Variants in PRDM16 observed in about 807,000 individuals in gnomAD.
PRDM16 encodes histone-lysine N-methyltransferase PRDM16.
In PRDM16, 23 loss-of-function variants were observed where a neutral mutation model predicts 110.6. The ratio of observed to expected loss-of-function variants is 0.21; its 90% confidence interval spans 0.15 to 0.29. The LOEUF is 0.29. Among genes scored for constraint, PRDM16 ranks in the 10% least tolerant of loss-of-function variants. The pLI is 1.00. For synonymous variants in PRDM16, 799 were observed against 781.8 expected (o/e 1.02, Z -0.37); for missense variants, 1,615 against 1,794.3 (o/e 0.90, Z 1.81).
chr1:3,244,823 C>G lies in PRDM16; in HGVS notation c.438+686C>G, dbSNP rs1184755569. 2.6e-5 allele frequency among the ~76,000 whole-genome samples: 4 copies of G among 152,118 alleles called. No individual in the cohort carries two copies. The highest frequency in any genetic ancestry group is 5.9e-5 in the Non-Finnish European group (4 of 68,020). On this transcript the variant is annotated intron_variant, in intron 3 of 16. Coordinates refer to ENST00000270722, the MANE Select transcript of PRDM16 (RefSeq NM_022114.4). This position sits in a 1 kb window ranked among gnomAD's most constrained non-coding sequence, Gnocchi z 4.1. Reference sequence around the variant, plus strand: ...GGAGGAATGGCCTGGAAAGCAGCTCCGAAACCTAGAACCTGTTCAGCAGCC... The same window carrying G: ...GGAGGAATGGCCTGGAAAGCAGCTCGGAAACCTAGAACCTGTTCAGCAGCC...
At chr1:3,199,934 C>G (rs1015468464) in intron 2 of PRDM16, among the ~76,000 whole-genome samples, 1 of 152,230 alleles carries the variant, frequency 6.6e-6, no homozygotes, top group Non-Finnish European at 1.5e-5. Context: ...ACAGGGATGT[C>G]CTTGTGTTCC....
chr1:3,253,671 G>A (rs1401496139), intron 3 of PRDM16, among the ~76,000 whole-genome samples: 1 of 152,058 alleles, frequency 6.6e-6, no homozygotes, highest in African/African-American at 2.4e-5. Flanking sequence ...ATAAACATAC[G>A]TGTGCATGTG....
At chr1:3,262,110 T>C (rs980414776) in intron 3 of PRDM16, among the ~76,000 whole-genome samples, 2 of 152,232 alleles carry the variant, frequency 1.3e-5, no homozygotes, top group Non-Finnish European at 2.9e-5. Context: ...GTACCCATTC[T>C]ACAGGTGAAG....
intron 2 of PRDM16, among the ~76,000 whole-genome samples, chr1:3,212,445 C>T (rs1016176326): frequency 2.0e-5 from 3 of 152,096 alleles, no homozygotes; most frequent in Non-Finnish European, 2.9e-5. Context: ...GCCGGCCGGA[C>T]GCTGGCCTGC....
At chr1:3,124,304 G>A (rs1260878573) in intron 1 of PRDM16, among the ~76,000 whole-genome samples, 2 of 152,194 alleles carry the variant, frequency 1.3e-5, no homozygotes, top group Non-Finnish European at 2.9e-5. Context: ...AGGAAAAGAG[G>A]GAGAGAGAGG....
intron 2 of PRDM16, among the ~76,000 whole-genome samples, chr1:3,238,406 T>C (rs961903352): frequency 3.0e-4 from 46 of 152,250 alleles, no homozygotes; most frequent in Non-Finnish European, 1.0e-4. Flanking sequence ...GGATCTCACT[T>C]GAAGGAACTG....
chr1:3,291,225 G>C (rs1640967208), intron 3 of PRDM16, among the ~76,000 whole-genome samples: 1 of 152,136 alleles, frequency 6.6e-6, no homozygotes, highest in Non-Finnish European at 1.5e-5. Context: ...AGACTGGAGA[G>C]AGCCAGGCCC....
intron 3 of PRDM16, among the ~76,000 whole-genome samples, chr1:3,269,239 G>A (rs991209383): frequency 2.0e-5 from 3 of 152,230 alleles, no homozygotes; most frequent in Admixed American, 6.5e-5. Context: ...GGAGGAGGAC[G>A]GCCCCAGAGG....
At chr1:3,422,872 C>A (rs1638477976) in intron 12 of PRDM16, among the ~76,000 whole-genome samples, 2 of 152,206 alleles carry the variant, frequency 1.3e-5, no homozygotes, top group Admixed American at 1.3e-4. Context: ...GACGCTGGGA[C>A]CCGGGTGCCC....
chr1:3,250,517 C>T (rs981852596), intron 3 of PRDM16, among the ~76,000 whole-genome samples: 4 of 152,148 alleles, frequency 2.6e-5, no homozygotes, highest in East Asian at 1.9e-4. Context: ...CCCACCCCCA[C>T]CTCACCTGAA....
intron 1 of PRDM16, among the ~76,000 whole-genome samples, chr1:3,152,212 C>G (rs1350143388): frequency 1.3e-5 from 2 of 152,194 alleles, no homozygotes; most frequent in Non-Finnish European, 2.9e-5. Context: ...CTGAGAATTC[C>G]TGATTCAGAA....
At chr1:3,125,593 T>G (rs1450378258) in intron 1 of PRDM16, among the ~76,000 whole-genome samples, 1 of 152,128 alleles carries the variant, frequency 6.6e-6, no homozygotes, top group Non-Finnish European at 1.5e-5. Flanking sequence ...GAGCAATGAG[T>G]TAGGGGAGCG....
intron 5 of PRDM16, 49 bp downstream of exon 5, chr1:3,396,642 C>T (rs1429391577): frequency 1.3e-6 from 1 of 779,138 alleles, no homozygotes; most frequent in Non-Finnish European, 2.1e-6. Context: ...AGCCCCCAGC[C>T]AGCCCGGAAG....
intron 3 of PRDM16, among the ~76,000 whole-genome samples, chr1:3,286,838 A>G (rs67328886): frequency 0.22 from 32,824 of 150,768 alleles, 7,879 homozygotes; most frequent in African/African-American, 0.59. Context: ...GATGGAAAGC[A>G]TGGGACTCAA....
intron 1 of PRDM16, among the ~76,000 whole-genome samples, chr1:3,164,583 C>T (rs1643929228): frequency 6.6e-6 from 1 of 152,162 alleles, no homozygotes; most frequent in Non-Finnish European, 1.5e-5. Context: ...GAAAACTTTC[C>T]CGGTGTGTAG....
At chr1:3,219,535 A>G (rs1639105585) in intron 2 of PRDM16, among the ~76,000 whole-genome samples, 1 of 152,206 alleles carries the variant, frequency 6.6e-6, no homozygotes, top group African/African-American at 2.4e-5. Context: ...GGGCAGTATC[A>G]TCTTTGGGAA....
At chr1:3,400,929 A>G (rs1328687738) in intron 5 of PRDM16, among the ~76,000 whole-genome samples, 1 of 152,102 alleles carries the variant, frequency 6.6e-6, no homozygotes, top group Non-Finnish European at 1.5e-5. Flanking sequence ...GACGGCACCA[A>G]AAATCACATC....
chr1:3,394,016 C>T (rs919033714), intron 4 of PRDM16, among the ~76,000 whole-genome samples: 1 of 152,090 alleles, frequency 6.6e-6, no homozygotes, highest in African/African-American at 2.4e-5. Context: ...GGCGGCGGCT[C>T]CAGGGCAGTG....
chr1:3,112,383 C>T (rs1223622423), intron 1 of PRDM16, among the ~76,000 whole-genome samples: 11 of 152,346 alleles, frequency 7.2e-5, no homozygotes, highest in Admixed American at 3.9e-4. Context: ...CCTCTCTTTT[C>T]GCTTCTCTCT....
Sources: allele counts gnomAD v4.1 joint callset (sites outside exome capture counted in the v4.1 genomes callset), GRCh38; gene constraint gnomAD v4.1.1; non-coding constraint Gnocchi (gnomAD v3.1); transcripts MANE v1.5; gene names NCBI Gene and HGNC (gene_info 2026-07-23, HGNC 2026-07-21).